Variants in RAB2A observed in about 807,000 individuals in gnomAD.
RAB2A encodes RAB2A, member RAS oncogene family.
A neutral mutation model predicts 32.5 loss-of-function variants in RAB2A; 7 were observed. The observed-to-expected ratio is 0.22, with a 90% CI of 0.12 to 0.40. The LOEUF is 0.40. Among genes scored for constraint, RAB2A ranks in the 10% least tolerant of loss-of-function variants. The pLI is 1.00. For synonymous variants in RAB2A, 79 were observed against 85.2 expected, an observed-to-expected ratio of 0.93 and a Z score of 0.40; for missense variants, 108 against 260.7, an observed-to-expected ratio of 0.41 and a Z score of 4.03.
chr8:60,565,844 GAGACTAC>G (rs1414484435), intron 2 of RAB2A, among the ~76,000 whole-genome samples: 8 of 151,786 alleles, frequency 5.3e-5, no homozygotes, highest in Middle Eastern at 6.8e-3. Flanking sequence ...CTGAGTAGCT[GAGACTAC>G]AGGCACGTGC....
chr8:60,547,901 C>T (rs1267699600), intron 1 of RAB2A, among the ~76,000 whole-genome samples: 13 of 119,018 alleles, frequency 1.1e-4, no homozygotes, highest in East Asian at 5.4e-4. Context: ...ACCTCCCTCC[C>T]GGACGGGGCG....
intron 1 of RAB2A, among the ~76,000 whole-genome samples, chr8:60,523,159 TTTTC>T (rs1477880292): frequency 8.7e-6 from 1 of 115,306 alleles, no homozygotes; most frequent in African/African-American, 4.1e-5. Flanking sequence ...TCCACATTCT[TTTTC>T]TTTTTTTTTT....
intron 3 of RAB2A, among the ~76,000 whole-genome samples, chr8:60,577,288 A>G (rs1245816858): frequency 3.9e-5 from 6 of 152,078 alleles, no homozygotes; most frequent in Admixed American, 6.5e-5. Flanking sequence ...GGCTCAAGCA[A>G]TCTGCCCACC....
rs1474715767 is a variant in RAB2A at position 60,620,894 on chromosome 8, G to A, written c.*125G>A. 12 of 709,208 alleles carry A rather than the reference G, an allele frequency of 1.7e-5. No individual in the cohort carries two copies. The highest frequency in any genetic ancestry group is 6.7e-5 in the South Asian group (3 of 44,606). The allele number at this position is 709,208 out of a possible 1,614,324, so 43.9% of individuals were successfully genotyped here. A position where few individuals can be genotyped will look rare whatever the true frequency, so the allele number is the denominator to read the frequency against. On this transcript the variant is annotated 3_prime_UTR_variant, in exon 8 of 8. Transcript: ENST00000262646. The stretch of plus-strand genomic sequence containing the variant: ...TTTATGTCACAGAAGACTTTAATCC[G>A]TCAAATTCTTGTATAACTTTGAATA...
chr8:60,614,159 G>A (rs934973357), intron 6 of RAB2A, among the ~76,000 whole-genome samples: 4 of 143,740 alleles, frequency 2.8e-5, no homozygotes, highest in African/African-American at 7.7e-5. Flanking sequence ...CCCTTTGCCT[G>A]CATTCTCTCC....
At chr8:60,619,129 G>C (rs546676747) in intron 7 of RAB2A, 1 of 148,934 alleles carries the variant, frequency 6.7e-6, no homozygotes, top group Non-Finnish European at 1.5e-5. Flanking sequence ...GTTTTCAGGA[G>C]ACTAAATTCA....
intron 6 of RAB2A, among the ~76,000 whole-genome samples, chr8:60,599,983 A>G (rs1804103282): frequency 6.6e-6 from 1 of 152,112 alleles, no homozygotes; most frequent in Non-Finnish European, 1.5e-5. Flanking sequence ...GTGGGAGAAA[A>G]TATTTACATA....
chr8:60,589,587 T>C (rs991073258), intron 5 of RAB2A, among the ~76,000 whole-genome samples: 17 of 152,106 alleles, frequency 1.1e-4, no homozygotes, highest in Non-Finnish European at 2.1e-4. Context: ...AGTTTTTTAA[T>C]AGTGTAAGGG....
intron 1 of RAB2A, among the ~76,000 whole-genome samples, chr8:60,554,836 G>C (rs980343081): frequency 6.6e-6 from 1 of 151,884 alleles, no homozygotes; most frequent in African/African-American, 2.4e-5. Flanking sequence ...CTGGGCGACA[G>C]AGCGAGACTC....
chr8:60,598,668 C>T (rs1574760), intron 6 of RAB2A, among the ~76,000 whole-genome samples: 42 of 152,032 alleles, frequency 2.8e-4, no homozygotes, highest in Non-Finnish European at 5.6e-4. Context: ...AGAGAAACCA[C>T]GTGATTATAG....
rs1017743683 is a variant in RAB2A, at chr8:60,534,474, T to C, written c.46+17221T>C. 1.4e-4 allele frequency among the ~76,000 whole-genome samples: 21 copies of C among 152,314 alleles called. No individual in the cohort carries two copies. The East Asian group carries it at 4.0e-3, about 29-fold the overall frequency. Reference sequence around the variant, plus strand: ...GGGCAGTGTAGTAAAATTCTGTCTCTTTAAAATAAAACATAAATAACAAAT... The same window carrying C: ...GGGCAGTGTAGTAAAATTCTGTCTCCTTAAAATAAAACATAAATAACAAAT... On this transcript the variant is annotated intron_variant, in intron 1 of 7. Transcript: ENST00000262646.
chr8:60,592,737 T>C (rs1385302977), intron 6 of RAB2A, among the ~76,000 whole-genome samples: 6 of 152,204 alleles, frequency 3.9e-5, no homozygotes, highest in Admixed American at 2.6e-4. Flanking sequence ...TGTTTGGAGG[T>C]AGTATGTATA....
intron 6 of RAB2A, among the ~76,000 whole-genome samples, chr8:60,598,014 A>G (rs1804061122): frequency 6.6e-6 from 1 of 152,206 alleles, no homozygotes; most frequent in South Asian, 2.1e-4. Context: ...CCTGGGCAAC[A>G]TGGTGAAACC....
intron 1 of RAB2A, among the ~76,000 whole-genome samples, chr8:60,548,674 GCT>G (rs1807787311): frequency 1.4e-5 from 2 of 147,476 alleles, no homozygotes; most frequent in African/African-American, 5.0e-5. Flanking sequence ...GGACGGAGTG[GCT>G]GGCCGGGCAG....
intron 6 of RAB2A, among the ~76,000 whole-genome samples, chr8:60,604,855 C>T (rs1258900539): frequency 6.6e-6 from 1 of 152,114 alleles, no homozygotes; most frequent in East Asian, 1.9e-4. Context: ...AAATTTGTAG[C>T]CTGGCCATGT....
chr8:60,600,510 C>A (rs1448430338), intron 6 of RAB2A, among the ~76,000 whole-genome samples: 7 of 152,180 alleles, frequency 4.6e-5, no homozygotes, highest in Non-Finnish European at 7.4e-5. Context: ...TCTTTAAACA[C>A]TAAACATGCA....
chr8:60,622,666 A>G lies in RAB2A; in HGVS notation c.*1897A>G, dbSNP rs1309170066. ...GTTTCTTTTCCATACTTTCTCCCCT[A>G]ATTCTTTTATTTGAAGAAGAGAACT... is the stretch of plus-strand genomic sequence containing the variant. On this transcript the variant is annotated 3_prime_UTR_variant, in exon 8 of 8. Transcript: ENST00000262646. The G allele has an allele frequency of 6.6e-6, 1 of 152,154 alleles. No homozygotes were observed. 9.4% of individuals were successfully genotyped at this position (152,154 alleles called of 1,614,324 possible). A position where few individuals can be genotyped will look rare whatever the true frequency, so the allele number is the denominator to read the frequency against.
rs1807214508 is a variant in RAB2A at position 60,517,006 on chromosome 8, T to C, written c.-202T>C. On this transcript the variant is annotated 5_prime_UTR_variant, in exon 1 of 8. Transcript: ENST00000262646. ...GCTGTTATTGTTCGGCTGGGCTCGGTCGGGCGCTGTCTCCCTCGGCTCTGC... is the reference window on the plus strand; with the variant it reads ...GCTGTTATTGTTCGGCTGGGCTCGGCCGGGCGCTGTCTCCCTCGGCTCTGC... 3 of 478,518 alleles carry C rather than the reference T, an allele frequency of 6.3e-6. No individual in the cohort carries two copies. Among genetic ancestry groups the C allele is most frequent in the Non-Finnish European group, 1.1e-5 (3 of 270,676 alleles). The allele number at this position is 478,518 out of a possible 1,614,324, so 29.6% of individuals were successfully genotyped here.
At chr8:60,521,587 A>G (rs937944342) in intron 1 of RAB2A, among the ~76,000 whole-genome samples, 1 of 152,198 alleles carries the variant, frequency 6.6e-6, no homozygotes, top group African/African-American at 2.4e-5. Context: ...ATTAGTTGCA[A>G]AGTGAAATTA....
Sources: gnomAD v4.1 joint callset for allele counts (sites outside exome capture counted in the v4.1 genomes callset) on GRCh38, gnomAD v4.1.1 for gene constraint, MANE v1.5 for transcripts, NCBI Gene and HGNC (gene_info 2026-07-23, HGNC 2026-07-21) for gene names.